SIK3: variants seen among roughly 807,000 people sequenced by gnomAD.
The protein encoded by SIK3 is serine/threonine-protein kinase SIK3.
A neutral mutation model predicts 144.2 loss-of-function variants in SIK3; 28 were observed. That is an observed-to-expected ratio of 0.19 (90% CI 0.14 to 0.27). The LOEUF is 0.27. Ranked by LOEUF, SIK3 falls within the 10% of genes least tolerant of loss-of-function variation. The pLI, the probability that SIK3 is intolerant of heterozygous loss-of-function variation, is 1.00. For synonymous variants in SIK3, 686 were observed against 676.3 expected (o/e 1.01, Z -0.22); for missense variants, 1,319 against 1,776.0 (o/e 0.74, Z 4.62).
chr11:117,087,215 G>A (rs947720973), intron 1 of SIK3, among the ~76,000 whole-genome samples: 1 of 151,934 alleles, frequency 6.6e-6, no homozygotes, highest in Non-Finnish European at 1.5e-5. Flanking sequence ...TGGGGGCGGG[G>A]GGTGGATTAC....
At chr11:117,090,916 T>C (rs1021063783) in intron 1 of SIK3, among the ~76,000 whole-genome samples, 5 of 152,224 alleles carry the variant, frequency 3.3e-5, no homozygotes, top group African/African-American at 1.2e-4. Context: ...TGGTTTGTCT[T>C]ATAGAAAGGA....
Position 116,868,029 on chromosome 11 carries a change from G to A in SIK3, c.1869C>T (p.Ile623=). The A allele has an allele frequency of 1.3e-6, 2 of 1,550,618 alleles. No homozygotes were observed. Among genetic ancestry groups the A allele is most frequent in the Non-Finnish European group, 1.7e-6 (2 of 1,146,998 alleles). ...CTAGCTGCCGTTGTAGGTCCGGTGG[G>A]ATCTCAGCTGTAGGGTTGGTCATGG... ...TLAMTNPTAE[I]PPDLQRQLGQ... The change falls in exon 15 of 25, where the codon ATC becomes ATT. Residue 623 remains isoleucine, a synonymous_variant. Coordinates refer to ENST00000445177, the MANE Select transcript of SIK3 (RefSeq NM_001366686.3).
chr11:117,062,439 T>C (rs1301780736), intron 1 of SIK3, among the ~76,000 whole-genome samples: 3 of 152,132 alleles, frequency 2.0e-5, no homozygotes, highest in Admixed American at 6.5e-5. Context: ...TCAAACCTAG[T>C]TCCAGTTTAG....
Position 116,849,228 on chromosome 11 carries a change from C to T in SIK3, c.3711G>A (p.Leu1237=), listed in dbSNP as rs764884018. 1.2e-6 allele frequency: 2 copies of T among 1,614,206 alleles called. No homozygotes were observed. Among genetic ancestry groups the T allele is most frequent in the South Asian group, 1.1e-5 (1 of 91,086 alleles). ...GGTACCCGAGCCCATTGTGATCCGG[C>T]AGCTCCACTGCTTGTCCTGGAGAAC... ...DRSSPGQAVE[L]PDHNGLGYPA... The change falls in exon 22 of 25, where the codon CTG becomes CTA. Residue 1237 remains leucine, a synonymous_variant. Transcript: ENST00000445177. The surrounding 1 kb of genome is among the most constrained non-coding windows in gnomAD (Gnocchi z 4.2).
At chr11:116,900,948 T>A (rs1204471581) in intron 4 of SIK3, among the ~76,000 whole-genome samples, 1 of 151,840 alleles carries the variant, frequency 6.6e-6, no homozygotes, top group Non-Finnish European at 1.5e-5. Flanking sequence ...CACCGCAACC[T>A]CCACCTCCCA....
chr11:116,873,646 A>G lies in SIK3; in HGVS notation c.1582-10T>C. 1.3e-6 allele frequency: 2 copies of G among 1,542,164 alleles called. No homozygotes were observed. The highest frequency in any genetic ancestry group is 8.7e-7 in the Non-Finnish European group (1 of 1,148,824). On this transcript the variant is annotated splice_polypyrimidine_tract_variant and intron_variant, in intron 12 of 24. Coordinates refer to ENST00000445177, the MANE Select transcript of SIK3 (RefSeq NM_001366686.3). ...GTAGGAGAGACTGCTCCTGCCAGGA[A>G]CAGAGTGGGGAGGACGGACCATGAG...
chr11:116,981,797 G>C (rs1472361822), intron 1 of SIK3, among the ~76,000 whole-genome samples: 9 of 152,162 alleles, frequency 5.9e-5, no homozygotes, highest in Non-Finnish European at 7.3e-5. Flanking sequence ...AGGACTGCTT[G>C]AGCCTAGGAG....
At chr11:117,076,173 C>CTGTT (rs1954528872) in intron 1 of SIK3, among the ~76,000 whole-genome samples, 1 of 151,966 alleles carries the variant, frequency 6.6e-6, no homozygotes, top group African/African-American at 2.4e-5. Context: ...GTAAAACTTA[C>CTGTT]CGTTGCAGGG....
intron 1 of SIK3, among the ~76,000 whole-genome samples, chr11:116,993,923 T>C (rs76665318): frequency 0.025 from 3,744 of 152,312 alleles, 84 homozygotes; most frequent in South Asian, 0.11. Flanking sequence ...GGAGCAACCA[T>C]GAGTGAGTTA....
At chr11:117,054,698 G>A (rs1953431534) in intron 1 of SIK3, among the ~76,000 whole-genome samples, 1 of 152,164 alleles carries the variant, frequency 6.6e-6, no homozygotes, top group South Asian at 2.1e-4. Context: ...TTTGGCAGAG[G>A]TGGGAGGATC....
In SIK3 at chr11:116,944,832, T is replaced by C. The variant is rs151262571; in HGVS notation, c.454+9212A>G. On this transcript the variant is annotated intron_variant, in intron 3 of 24. Transcript: ENST00000445177. Reference sequence around the variant, plus strand: ...GAGTGAGGGGTGATCTTGGAGACTATGCTCTCTTAGTCTGTAGTTGGCTAA... The same window carrying C: ...GAGTGAGGGGTGATCTTGGAGACTACGCTCTCTTAGTCTGTAGTTGGCTAA... 2.1e-3 allele frequency among the ~76,000 whole-genome samples: 321 copies of C among 152,362 alleles called. 3 individuals are homozygous for C. The highest frequency in any genetic ancestry group is 7.2e-3 in the African/African-American group (298 of 41,596).
At chr11:117,071,535 C>T (rs1435888718) in intron 1 of SIK3, among the ~76,000 whole-genome samples, 1 of 151,890 alleles carries the variant, frequency 6.6e-6, no homozygotes. Context: ...CACAGTGACA[C>T]TCAAATATTT....
At chr11:116,898,660 T>G (rs1442021861) in intron 4 of SIK3, among the ~76,000 whole-genome samples, 92 of 136,296 alleles carry the variant, frequency 6.8e-4, no homozygotes, top group African/African-American at 2.3e-3. Context: ...TTTTAATGAT[T>G]GCCATTCTAA....
intron 1 of SIK3, among the ~76,000 whole-genome samples, chr11:117,013,899 A>AGG (rs71037440): frequency 4.1e-4 from 11 of 26,644 alleles, no homozygotes; most frequent in East Asian, 1.9e-3. Context: ...CCAGATTCTG[A>AGG]GGGGGGGGGG....
At chr11:117,072,017 G>C (rs1435631650) in intron 1 of SIK3, among the ~76,000 whole-genome samples, 3 of 151,974 alleles carry the variant, frequency 2.0e-5, no homozygotes, top group African/African-American at 7.2e-5. Flanking sequence ...AGGTAAAACA[G>C]GTAGAATTAA....
chr11:116,903,670 C>G (rs542486752), intron 4 of SIK3, among the ~76,000 whole-genome samples: 3 of 152,162 alleles, frequency 2.0e-5, no homozygotes, highest in Non-Finnish European at 2.9e-5. Flanking sequence ...AAGCCTTTAC[C>G]TCCTGGGCTC....
At chr11:117,020,949 T>G (rs577066821) in intron 1 of SIK3, among the ~76,000 whole-genome samples, 7 of 152,354 alleles carry the variant, frequency 4.6e-5, no homozygotes, top group African/African-American at 1.7e-4. Flanking sequence ...AGCCTGTGAC[T>G]GGCACTGAAG....
chr11:116,982,960 A>G (rs970904415), intron 1 of SIK3, among the ~76,000 whole-genome samples: 1 of 151,034 alleles, frequency 6.6e-6, no homozygotes, highest in African/African-American at 2.4e-5. Context: ...AAAAAAAAAA[A>G]AAAAAAAAAT....
At chr11:117,096,616 G>A (rs1283719277) in intron 1 of SIK3, among the ~76,000 whole-genome samples, 1 of 152,102 alleles carries the variant, frequency 6.6e-6, no homozygotes, top group African/African-American at 2.4e-5. Flanking sequence ...GCAGACTGGA[G>A]GCCCTGTGAT....
Sources: allele counts gnomAD v4.1 joint callset (sites outside exome capture counted in the v4.1 genomes callset), GRCh38; gene constraint gnomAD v4.1.1; non-coding constraint Gnocchi (gnomAD v3.1); transcripts MANE v1.5; gene names NCBI Gene and HGNC (gene_info 2026-07-23, HGNC 2026-07-21).